The following GPD1L variants were observed in gnomAD, a reference collection of about 807,000 sequenced individuals.
The protein encoded by GPD1L is glycerol-3-phosphate dehydrogenase 1 like.
A neutral mutation model predicts 32.9 loss-of-function variants in GPD1L; 17 were observed. The observed-to-expected ratio is 0.52, with a 90% CI of 0.35 to 0.78. The LOEUF (loss-of-function observed/expected upper bound fraction) is 0.78. GPD1L is among the 30% of genes least tolerant of loss of function. GPD1L has a pLI of 0.01. For synonymous variants in GPD1L, 187 were observed against 165.9 expected, an observed-to-expected ratio of 1.13 and a Z score of -0.98; for missense variants, 361 against 447.8, an observed-to-expected ratio of 0.81 and a Z score of 1.75.
chr3:32,140,425 A>G lies in GPD1L; in HGVS notation c.505+59A>G, dbSNP rs1412791789. On this transcript the variant is annotated intron_variant, in intron 4 of 7. Coordinates refer to ENST00000282541, the MANE Select transcript of GPD1L (RefSeq NM_015141.4). ...GGACATTTGATGTTTGAACATGTAC[A>G]TATTCCATTTCTGATATTTTCTGTA... The G allele has an allele frequency of 5.7e-6, 9 of 1,567,202 alleles. 1 individual carries two copies. The highest frequency in any genetic ancestry group is 4.1e-5 in the African/African-American group (3 of 73,914).
intron 2 of GPD1L, among the ~76,000 whole-genome samples, chr3:32,136,570 A>G (rs1302938870): frequency 6.6e-6 from 1 of 152,228 alleles, no homozygotes; most frequent in Non-Finnish European, 1.5e-5. Context: ...TAAGGGAATT[A>G]AACTTCAGAT....
intron 7 of GPD1L, among the ~76,000 whole-genome samples, chr3:32,165,052 A>G (rs1701126817): frequency 6.6e-6 from 1 of 152,130 alleles, no homozygotes; most frequent in South Asian, 2.1e-4. Context: ...AAAAATACAA[A>G]AATTAGCCAG....
At chr3:32,130,229 GT>G (rs1700566033) in intron 2 of GPD1L, among the ~76,000 whole-genome samples, 1 of 152,096 alleles carries the variant, frequency 6.6e-6, no homozygotes, top group Non-Finnish European at 1.5e-5. Context: ...TGGTCACTGG[GT>G]GTGGACAGAG....
intron 1 of GPD1L, among the ~76,000 whole-genome samples, chr3:32,112,650 A>G (rs1441343358): frequency 2.0e-5 from 3 of 152,130 alleles, no homozygotes; most frequent in Non-Finnish European, 2.9e-5. Flanking sequence ...AAAAATATAT[A>G]TAATATAATA....
chr3:32,154,252 T>C (rs556762999), intron 5 of GPD1L, among the ~76,000 whole-genome samples: 88 of 152,246 alleles, frequency 5.8e-4, no homozygotes, highest in Non-Finnish European at 1.0e-3. Flanking sequence ...AGGTTAAATG[T>C]CTAGTAAAAG....
intron 3 of GPD1L, among the ~76,000 whole-genome samples, 183 bp from the exon 4 acceptor site, chr3:32,140,045 G>A (rs747298880): frequency 1.3e-5 from 2 of 152,214 alleles, no homozygotes; most frequent in African/African-American, 4.8e-5. Flanking sequence ...CTTAACACGA[G>A]TGATGAGTAC....
In GPD1L at chr3:32,167,482, T is replaced by G. The variant is rs748508955; in HGVS notation, c.*1572T>G. ...CTGAACTTTTACAGTTCAGGCCTGC[T>G]GTGAATCTTTGATGAAGCTTTAAGG... On this transcript the variant is annotated 3_prime_UTR_variant, in exon 8 of 8. Transcript: ENST00000282541. 1.3e-5 allele frequency: 2 copies of G among 152,668 alleles called. No individual in the cohort carries two copies. Among genetic ancestry groups the G allele is most frequent in the African/African-American group, 2.4e-5 (1 of 41,462 alleles). The allele number at this position is 152,668 out of a possible 1,614,324, so 9.5% of individuals were successfully genotyped here.
Position 32,106,800 on chromosome 3 carries a change from A to G in GPD1L, c.47+42A>G. 6.5e-7 allele frequency: 1 copy of G among 1,538,114 alleles called. No homozygotes were observed. The highest frequency in any genetic ancestry group is 1.2e-5 in the South Asian group (1 of 82,680). On this transcript the variant is annotated intron_variant, in intron 1 of 7. Transcript: ENST00000282541. This position sits in a 1 kb window ranked among gnomAD's most constrained non-coding sequence, Gnocchi z 4.0. ...TGGAGGCCGGGGCTCCGCTTCCAGGAAGCGCCTCTCCCGGGCGGTGAGGGC... is the reference window on the plus strand; with the variant it reads ...TGGAGGCCGGGGCTCCGCTTCCAGGGAGCGCCTCTCCCGGGCGGTGAGGGC...
At chr3:32,146,913 C>G (rs927580937) in intron 5 of GPD1L, among the ~76,000 whole-genome samples, 179 bp downstream of exon 5, 14 of 152,222 alleles carry the variant, frequency 9.2e-5, no homozygotes, top group African/African-American at 3.1e-4. Flanking sequence ...TTCAGTTCCT[C>G]TCTTACTCGT....
chr3:32,156,211 C>T (rs994211446), intron 5 of GPD1L, among the ~76,000 whole-genome samples: 1 of 152,150 alleles, frequency 6.6e-6, no homozygotes, highest in Non-Finnish European at 1.5e-5. Context: ...GGGAATTACA[C>T]ACTGATGAGA....
intron 5 of GPD1L, among the ~76,000 whole-genome samples, chr3:32,150,674 A>T (rs1356088560): frequency 6.6e-6 from 1 of 151,956 alleles, no homozygotes; most frequent in African/African-American, 2.4e-5. Context: ...TTTAGTAGAG[A>T]TAGGGTTTTG....
intron 1 of GPD1L, among the ~76,000 whole-genome samples, chr3:32,121,366 C>G (rs1033405059): frequency 4.0e-5 from 6 of 151,582 alleles, no homozygotes; most frequent in Middle Eastern, 3.4e-3. Context: ...CTTACTGCTG[C>G]CGGGAAGGTA....
In GPD1L at chr3:32,138,654, A is replaced by C. The variant is rs745770005; in HGVS notation, c.293A>C (p.Gln98Pro). 1.2e-6 allele frequency: 2 copies of C among 1,613,910 alleles called. No individual in the cohort carries two copies. Among genetic ancestry groups the C allele is most frequent in the Admixed American group, 1.7e-5 (1 of 59,988 alleles). ...CTGCTGGTGTTTGTCATTCCCCACC[A>C]GTTCATTCACAGAATCTGTGATGAG... The part of the protein sequence containing the change: ...ADLLVFVIPH[Q>P]FIHRICDEIT... The change falls in exon 3 of 8, where the codon CAG becomes CCG. Residue 98 changes from glutamine to proline, a missense_variant. Coordinates refer to ENST00000282541, the MANE Select transcript of GPD1L (RefSeq NM_015141.4).
chr3:32,165,357 A>T (rs1400474536), intron 7 of GPD1L, among the ~76,000 whole-genome samples: 1 of 88,568 alleles, frequency 1.1e-5, no homozygotes, highest in Non-Finnish European at 2.2e-5. Flanking sequence ...CCTCACTCGG[A>T]TTCTTGCGGG....
Position 32,106,833 on chromosome 3 carries a change from C to G in GPD1L, c.47+75C>G. On this transcript the variant is annotated intron_variant, in intron 1 of 7. Coordinates refer to ENST00000282541, the MANE Select transcript of GPD1L (RefSeq NM_015141.4). This position sits in a 1 kb window ranked among gnomAD's most constrained non-coding sequence, Gnocchi z 4.0. ...CTCCCGGGCGGTGAGGGCTGCGCGC[C>G]CCATGCTGCGGCGTGGGCACCGGGC... The G allele has an allele frequency of 7.2e-7, 1 of 1,394,474 alleles. No individual in the cohort carries two copies. The highest frequency in any genetic ancestry group is 9.6e-7 in the Non-Finnish European group (1 of 1,042,694). The allele number at this position is 1,394,474 out of a possible 1,614,324, so 86.4% of individuals were successfully genotyped here.
chr3:32,160,165 A>G (rs1349638985), intron 7 of GPD1L, among the ~76,000 whole-genome samples: 1 of 139,686 alleles, frequency 7.2e-6, no homozygotes, highest in Non-Finnish European at 1.6e-5. Context: ...GATGGGGCTT[A>G]GGATGGGATG....
chr3:32,151,365 C>G, intron 5 of GPD1L: 1 of 692,944 alleles, frequency 1.4e-6, no homozygotes, highest in Non-Finnish European at 2.6e-6. Context: ...ACATTGTAGA[C>G]TCTTCCAGTT....
At chr3:32,125,321 T>C (rs1700490048) in intron 1 of GPD1L, among the ~76,000 whole-genome samples, 1 of 152,202 alleles carries the variant, frequency 6.6e-6, no homozygotes, top group Non-Finnish European at 1.5e-5. Flanking sequence ...CTCAGCTGCT[T>C]AAAATAACAA....
intron 4 of GPD1L, among the ~76,000 whole-genome samples, chr3:32,141,898 A>T (rs1575116208): frequency 6.6e-6 from 1 of 152,188 alleles, no homozygotes. Flanking sequence ...CCTGTCACCC[A>T]GGTAGTGAGC....
Sources: gnomAD v4.1 joint callset for allele counts (sites outside exome capture counted in the v4.1 genomes callset) on GRCh38, gnomAD v4.1.1 for gene constraint, Gnocchi (gnomAD v3.1) non-coding constraint, MANE v1.5 for transcripts, NCBI Gene and HGNC (gene_info 2026-07-23, HGNC 2026-07-21) for gene names.